Variants in PRSS23 observed in about 807,000 individuals in gnomAD.
PRSS23 encodes serine protease 23.
A neutral mutation model predicts 34.7 loss-of-function variants in PRSS23; 25 were observed. The observed-to-expected ratio is 0.72, with a 90% CI of 0.53 to 1.01. The LOEUF is 1.01. PRSS23 is among the 50% of genes least tolerant of loss of function. The pLI, the probability that PRSS23 is intolerant of heterozygous loss-of-function variation, is 0.00. For missense variants in PRSS23, 445 were observed against 475.6 expected (o/e 0.94, Z 0.60); for synonymous variants, 176 against 186.6 (o/e 0.94, Z 0.46).
intron 1 of PRSS23, chr11:86,821,010 C>G (rs1948247823): frequency 5.6e-6 from 1 of 177,796 alleles, no homozygotes; most frequent in African/African-American, 2.4e-5. Flanking sequence ...AAAAGGCAAA[C>G]CCAGCATACA....
intron 2 of PRSS23, among the ~76,000 whole-genome samples, chr11:86,838,292 TAGC>T (rs1214482196): frequency 6.6e-6 from 1 of 152,000 alleles, no homozygotes; most frequent in African/African-American, 2.4e-5. Flanking sequence ...TCATAGCAAA[TAGC>T]AGACCAGGAG....
intron 2 of PRSS23, among the ~76,000 whole-genome samples, chr11:86,851,947 G>C (rs1466953948): frequency 2.6e-5 from 4 of 152,168 alleles, no homozygotes; most frequent in Non-Finnish European, 5.9e-5. Context: ...ACATTTCTGA[G>C]ACCCCCACCA....
chr11:86,835,250 T>C (rs1189639010), intron 2 of PRSS23, among the ~76,000 whole-genome samples: 1 of 152,230 alleles, frequency 6.6e-6, no homozygotes, highest in Non-Finnish European at 1.5e-5. Flanking sequence ...CTTCCTTGTA[T>C]TATTTTAACT....
At chr11:86,927,022 T>A (rs1172489628) in intron 2 of PRSS23, among the ~76,000 whole-genome samples, 1 of 152,188 alleles carries the variant, frequency 6.6e-6, no homozygotes, top group Non-Finnish European at 1.5e-5. Context: ...GGTTACCCAG[T>A]CATGCTGTCA....
intron 2 of PRSS23, among the ~76,000 whole-genome samples, chr11:86,865,774 C>T (rs182012668): frequency 2.0e-5 from 3 of 152,306 alleles, no homozygotes; most frequent in Admixed American, 1.3e-4. Flanking sequence ...AAGGTGTTCT[C>T]ATGCTCCTTG....
At chr11:86,826,309 A>T (rs1948300503) in intron 2 of PRSS23, among the ~76,000 whole-genome samples, 1 of 152,030 alleles carries the variant, frequency 6.6e-6, no homozygotes, top group African/African-American at 2.4e-5. Context: ...TTATTTGTGT[A>T]TAAGAATGCT....
chr11:86,941,682 C>A (rs1949208162), intron 2 of PRSS23, among the ~76,000 whole-genome samples: 1 of 152,192 alleles, frequency 6.6e-6, no homozygotes, highest in Non-Finnish European at 1.5e-5. Flanking sequence ...AGTAGACTTT[C>A]AGCAAATATT....
chr11:86,839,261 G>A (rs568039972), intron 2 of PRSS23, among the ~76,000 whole-genome samples: 2 of 152,276 alleles, frequency 1.3e-5, no homozygotes, highest in East Asian at 3.9e-4. Context: ...AAGGTTAGAC[G>A]AGTGGCTAAC....
intron 2 of PRSS23, among the ~76,000 whole-genome samples, chr11:86,928,212 TTATAAA>T (rs774946473): frequency 2.3e-5 from 3 of 130,582 alleles, no homozygotes; most frequent in Admixed American, 7.9e-5. Flanking sequence ...TATTTTATAC[TTATAAA>T]TATATATGTA....
chr11:86,828,708 G>T (rs897572057), intron 2 of PRSS23, among the ~76,000 whole-genome samples: 11 of 152,134 alleles, frequency 7.2e-5, no homozygotes, highest in Admixed American at 6.5e-4. Flanking sequence ...AGAATCTCTC[G>T]GCATTTGCTC....
chr11:86,834,266 A>C (rs1565360360), intron 2 of PRSS23, among the ~76,000 whole-genome samples: 1 of 152,146 alleles, frequency 6.6e-6, no homozygotes, highest in Non-Finnish European at 1.5e-5. Flanking sequence ...AAGGGTTTTA[A>C]GTAATTTTCA....
At chr11:86,923,625 T>C (rs1369016854) in intron 2 of PRSS23, among the ~76,000 whole-genome samples, 1 of 152,212 alleles carries the variant, frequency 6.6e-6, no homozygotes, top group African/African-American at 2.4e-5. Flanking sequence ...TCTATGATCA[T>C]ATGAACTTTA....
chr11:86,830,883 G>C (rs1272896792), intron 2 of PRSS23, among the ~76,000 whole-genome samples: 2 of 152,042 alleles, frequency 1.3e-5, no homozygotes, highest in South Asian at 2.1e-4. Context: ...TGTACACCCT[G>C]TGACATCATT....
At chr11:86,947,264 T>C in intron 2 of PRSS23, 1 of 166,318 alleles carries the variant, frequency 6.0e-6, no homozygotes, top group Non-Finnish European at 1.3e-5. Flanking sequence ...CCAAAGTCTG[T>C]GCTCAATGGC....
intron 2 of PRSS23, chr11:86,933,319 C>G (rs1433471774): frequency 6.6e-6 from 1 of 152,136 alleles, no homozygotes; most frequent in African/African-American, 2.4e-5. Context: ...ATTGCTGACA[C>G]CTAAGGTGGT....
chr11:86,864,200 G>T (rs1311410823), intron 2 of PRSS23, among the ~76,000 whole-genome samples: 1 of 151,410 alleles, frequency 6.6e-6, no homozygotes, highest in Non-Finnish European at 1.5e-5. Context: ...TATAGCCCAT[G>T]ATGGTGATTA....
chr11:86,808,539 A>G lies in PRSS23; in HGVS notation c.896A>G (p.Asp299Gly). 6.2e-7 allele frequency: 1 copy of G among 1,614,222 alleles called. No individual in the cohort carries two copies. ...GTGTATCGCTTCTGTGACGTCAAAG[A>G]CGAGACCTATGACTTGCTCTACCAG... ...NLVYRFCDVK[D>G]ETYDLLYQQC... is the part of the protein sequence containing the mutation. The change falls in exon 2 of 2, where the codon GAC (aspartate) becomes GGC (glycine). Residue 299 changes from aspartate (D) to glycine (G), a missense_variant. Asp to Gly is a moderately conservative substitution (Grantham distance 94). Transcript: ENST00000280258.
At chr11:86,807,281 C>T (rs977065254) in intron 1 of PRSS23, among the ~76,000 whole-genome samples, 3 of 152,050 alleles carry the variant, frequency 2.0e-5, no homozygotes, top group African/African-American at 7.3e-5. Flanking sequence ...GAATCAAGCA[C>T]AAAGAGGGCT....
chr11:86,913,637 T>C (rs1441238414), intron 2 of PRSS23, among the ~76,000 whole-genome samples: 1 of 151,574 alleles, frequency 6.6e-6, no homozygotes, highest in African/African-American at 2.4e-5. Context: ...TCAAGTGCAA[T>C]GAAAGTTTGT....
Sources: allele counts gnomAD v4.1 joint callset (sites outside exome capture counted in the v4.1 genomes callset), GRCh38; gene constraint gnomAD v4.1.1; transcripts MANE v1.5; gene names NCBI Gene and HGNC (gene_info 2026-07-23, HGNC 2026-07-21).